Variants in KCTD8 observed in about 807,000 individuals in gnomAD.
KCTD8 encodes the protein BTB/POZ domain-containing protein KCTD8.
Under a neutral mutation model 31.5 loss-of-function variants are expected in KCTD8, and 27 were observed. That is an observed-to-expected ratio of 0.86 (90% CI 0.63 to 1.18). The LOEUF (loss-of-function observed/expected upper bound fraction) is 1.18. Among genes scored for constraint, KCTD8 ranks in the 50% most tolerant of loss-of-function variants. KCTD8 has a pLI of 0.00. For synonymous variants in KCTD8, 290 were observed against 280.0 expected (o/e 1.04, Z -0.36); for missense variants, 658 against 647.7 (o/e 1.02, Z -0.17).
At chr4:44,392,570 T>G (rs1720400408) in intron 1 of KCTD8, among the ~76,000 whole-genome samples, 1 of 151,932 alleles carries the variant, frequency 6.6e-6, no homozygotes, top group African/African-American at 2.4e-5. Context: ...CTGCCAATAT[T>G]CATAAGCATC....
At chr4:44,293,401 T>C in intron 1 of KCTD8, 1 of 454,418 alleles carries the variant, frequency 2.2e-6, no homozygotes, top group Non-Finnish European at 4.4e-6. Context: ...GTATTAACCT[T>C]ACCTGCTGCC....
At chr4:44,262,813 G>A (rs939172285) in intron 1 of KCTD8, among the ~76,000 whole-genome samples, 1 of 152,038 alleles carries the variant, frequency 6.6e-6, no homozygotes, top group African/African-American at 2.4e-5. Flanking sequence ...ACATGGCCCA[G>A]AAATTTACTC....
At chr4:44,267,328 G>T (rs1223686136) in intron 1 of KCTD8, among the ~76,000 whole-genome samples, 4 of 152,150 alleles carry the variant, frequency 2.6e-5, no homozygotes, top group Non-Finnish European at 4.4e-5. Context: ...CAGAAATAAA[G>T]ATGTTCTTTG....
intron 1 of KCTD8, among the ~76,000 whole-genome samples, chr4:44,415,928 C>T (rs1012847249): frequency 2.0e-5 from 3 of 152,182 alleles, no homozygotes; most frequent in Admixed American, 2.0e-4. Flanking sequence ...GAGAAGGGGG[C>T]TGCCATCCTC....
intron 1 of KCTD8, among the ~76,000 whole-genome samples, chr4:44,412,020 G>A (rs1720972468): frequency 6.6e-6 from 1 of 152,160 alleles, no homozygotes. Flanking sequence ...ATGGATTACA[G>A]GGTGGCACAA....
chr4:44,293,007 C>G (rs1717324744), intron 1 of KCTD8, among the ~76,000 whole-genome samples: 1 of 152,056 alleles, frequency 6.6e-6, no homozygotes, highest in Non-Finnish European at 1.5e-5. Context: ...TTCTACAAGA[C>G]TCTTTGTAGA....
chr4:44,233,490 T>C (rs1316378037), intron 1 of KCTD8, among the ~76,000 whole-genome samples: 1 of 152,184 alleles, frequency 6.6e-6, no homozygotes, highest in Non-Finnish European at 1.5e-5. Flanking sequence ...GTATACAGCA[T>C]GTGAATCTGT....
intron 1 of KCTD8, among the ~76,000 whole-genome samples, chr4:44,298,230 A>G (rs1717494762): frequency 6.6e-6 from 1 of 152,120 alleles, no homozygotes; most frequent in African/African-American, 2.4e-5. Flanking sequence ...AACTTCCCAG[A>G]CATACTGAGG....
In KCTD8 at chr4:44,424,786, C is replaced by T. The variant is rs557506979; in HGVS notation, c.961+22777G>A. 9.2e-5 allele frequency among the ~76,000 whole-genome samples: 14 copies of T among 151,988 alleles called. 2 individuals carry two copies. The South Asian group carries it at 2.9e-3, about 32-fold the overall frequency. ...AATTTAATCAATAGAAAATATCTAC[C>T]AGGAACATTTGCTATAATAACATTA... is the stretch of plus-strand genomic sequence containing the variant. On this transcript the variant is annotated intron_variant, in intron 1 of 1. Transcript: ENST00000360029.
chr4:44,227,281 A>G (rs984884919), intron 1 of KCTD8, among the ~76,000 whole-genome samples: 3 of 152,282 alleles, frequency 2.0e-5, no homozygotes, highest in East Asian at 3.9e-4. Context: ...TCCCAGCACC[A>G]TTTATTAAAT....
At chr4:44,230,182 A>G (rs547954473) in intron 1 of KCTD8, among the ~76,000 whole-genome samples, 14 of 152,316 alleles carry the variant, frequency 9.2e-5, no homozygotes, top group African/African-American at 3.4e-4. Context: ...TAACTTGGAT[A>G]CTTTCCACCA....
At chr4:44,278,184 A>C (rs1316729709) in intron 1 of KCTD8, among the ~76,000 whole-genome samples, 2 of 152,032 alleles carry the variant, frequency 1.3e-5, no homozygotes, top group Admixed American at 6.6e-5. Context: ...AATCCACTGA[A>C]GAGGCAATAG....
chr4:44,432,129 A>G (rs2109478371), intron 1 of KCTD8, among the ~76,000 whole-genome samples: 1 of 151,490 alleles, frequency 6.6e-6, no homozygotes, highest in East Asian at 1.9e-4. Context: ...TCTACAATCT[A>G]CTATATAGAA....
intron 1 of KCTD8, among the ~76,000 whole-genome samples, chr4:44,203,641 T>C (rs1714216903): frequency 6.7e-6 from 1 of 148,986 alleles, no homozygotes; most frequent in Non-Finnish European, 1.5e-5. Context: ...TAAGAAATAA[T>C]AAAATACAAA....
intron 1 of KCTD8, among the ~76,000 whole-genome samples, chr4:44,333,333 C>G (rs150284679): frequency 6.6e-6 from 1 of 152,112 alleles, no homozygotes; most frequent in Admixed American, 6.6e-5. Flanking sequence ...TTTAATAAGT[C>G]GCAAGCAAAC....
chr4:44,256,136 G>T (rs559544663), intron 1 of KCTD8, among the ~76,000 whole-genome samples: 91 of 151,958 alleles, frequency 6.0e-4, no homozygotes, highest in African/African-American at 2.0e-3. Flanking sequence ...GAGAACAGCA[G>T]GGGAAAGACC....
At position 44,313,233 on chromosome 4, in the gene KCTD8, G is replaced by A. The variant is rs16856836; in HGVS notation, c.961+134330C>T. On this transcript the variant is annotated intron_variant, in intron 1 of 1. Transcript: ENST00000360029. ...TTCTAGTGTTTTGCCCAAAACTTCT[G>A]CTCATCAGTGGCATCAAATGCAGGG... Among the ~76,000 whole-genome samples the A allele has an allele frequency of 1.7e-3, 260 of 152,272 alleles. 1 individual carries two copies. The highest frequency in any genetic ancestry group is 5.8e-3 in the African/African-American group (242 of 41,560).
Position 44,193,423 on chromosome 4 carries a change from T to C in KCTD8, c.962-18173A>G, listed in dbSNP as rs921517605. 2.0e-5 allele frequency among the ~76,000 whole-genome samples: 3 copies of C among 152,152 alleles called. 1 individual carries two copies. The highest frequency in any genetic ancestry group is 7.2e-5 in the African/African-American group (3 of 41,450). Reference sequence around the variant, plus strand: ...ATGCTGAGTTAAGCTCTGAGATACATATGCTGCCACAAAAATCCTGAAAAT... The same window carrying C: ...ATGCTGAGTTAAGCTCTGAGATACACATGCTGCCACAAAAATCCTGAAAAT... On this transcript the variant is annotated intron_variant, in intron 1 of 1. Coordinates refer to ENST00000360029, the MANE Select transcript of KCTD8 (RefSeq NM_198353.3).
intron 1 of KCTD8, among the ~76,000 whole-genome samples, chr4:44,303,848 A>T (rs1717716916): frequency 6.6e-6 from 1 of 152,100 alleles, no homozygotes; most frequent in Admixed American, 6.6e-5. Context: ...AATCGTTTTT[A>T]ACATTTTCTA....
Sources: allele counts gnomAD v4.1 joint callset (sites outside exome capture counted in the v4.1 genomes callset), GRCh38; gene constraint gnomAD v4.1.1; transcripts MANE v1.5; gene names NCBI Gene and HGNC (gene_info 2026-07-23, HGNC 2026-07-21).